Variants in SHANK2 observed in about 807,000 individuals in gnomAD.
SHANK2 encodes the protein SH3 and multiple ankyrin repeat domains 2, also known as SH3 and multiple ankyrin repeat domains protein 2.
Under a neutral mutation model 133.7 loss-of-function variants are expected in SHANK2, and 43 were observed. The observed-to-expected ratio is 0.32, with a 90% CI of 0.25 to 0.41. SHANK2 has a LOEUF of 0.41. SHANK2 is among the 10% of genes least tolerant of loss of function. The pLI is 1.00. For missense variants in SHANK2, 1,994 were observed against 2,235.8 expected, an observed-to-expected ratio of 0.89 and a Z score of 2.18; for synonymous variants, 1,017 against 952.8, an observed-to-expected ratio of 1.07 and a Z score of -1.24.
rs1439954049 is a variant in SHANK2 at position 70,487,927 on chromosome 11, G to T, written c.2573-207C>A. Among the ~76,000 whole-genome samples the T allele has an allele frequency of 6.6e-6, 1 of 152,236 alleles. No individual in the cohort carries two copies. Among genetic ancestry groups the T allele is most frequent in the South Asian group, 2.1e-4 (1 of 4,838 alleles). On this transcript the variant is annotated intron_variant, in intron 24 of 25. Coordinates refer to ENST00000601538, the MANE Select transcript of SHANK2 (RefSeq NM_012309.5). The surrounding 1 kb of genome is among the most constrained non-coding windows in gnomAD (Gnocchi z 5.8). ...GGACAAGAAAGGGAAGAACAGAAAG[G>T]CACTGGGGATGCTGTGAGTACGCTG... is the stretch of plus-strand genomic sequence containing the variant.
intron 15 of SHANK2, among the ~76,000 whole-genome samples, chr11:70,686,536 C>T (rs1397148488): frequency 5.9e-5 from 9 of 152,136 alleles, no homozygotes; most frequent in African/African-American, 2.2e-4. Context: ...CCTCTCTCTC[C>T]ACTCAACTCT....
chr11:70,672,227 C>T (rs540252871), intron 15 of SHANK2, among the ~76,000 whole-genome samples: 1 of 152,114 alleles, frequency 6.6e-6, no homozygotes, highest in South Asian at 2.1e-4. Flanking sequence ...CCATGCCTGG[C>T]TAATTTTTAT....
At chr11:70,627,092 G>A (rs1158197807) in intron 17 of SHANK2, among the ~76,000 whole-genome samples, 1 of 152,168 alleles carries the variant, frequency 6.6e-6, no homozygotes, top group Non-Finnish European at 1.5e-5. Context: ...TCCCTGAAGT[G>A]TCTCCTCTCA....
At chr11:70,835,457 T>G (rs781837020) in intron 11 of SHANK2, among the ~76,000 whole-genome samples, 1 of 152,012 alleles carries the variant, frequency 6.6e-6, no homozygotes, top group African/African-American at 2.4e-5. Context: ...TGTGCTGAGA[T>G]GTGCTCCACC....
chr11:71,105,590 T>TAAAAAAA (rs60654256), intron 6 of SHANK2, among the ~76,000 whole-genome samples: 7 of 77,942 alleles, frequency 9.0e-5, no homozygotes, highest in Admixed American at 1.7e-4. Flanking sequence ...AGACTCAGTC[T>TAAAAAAA]AAAAAAAAAA....
At chr11:70,888,835 AAGAG>A (rs1949790170) in intron 11 of SHANK2, among the ~76,000 whole-genome samples, 1 of 101,130 alleles carries the variant, frequency 9.9e-6, no homozygotes, top group Non-Finnish European at 1.8e-5. Flanking sequence ...AGAAAAAAAA[AAGAG>A]AGAAAGAGGA....
chr11:70,497,775 G>A (rs1332295009), intron 21 of SHANK2, among the ~76,000 whole-genome samples: 2 of 152,198 alleles, frequency 1.3e-5, no homozygotes, highest in African/African-American at 4.8e-5. Context: ...TCACCAAATC[G>A]AGGAGTGACA....
intron 17 of SHANK2, among the ~76,000 whole-genome samples, chr11:70,594,293 G>C (rs1300111844): frequency 6.6e-6 from 1 of 152,186 alleles, no homozygotes; most frequent in African/African-American, 2.4e-5. Flanking sequence ...CGCGTTACGT[G>C]AGTCCACACA....
intron 17 of SHANK2, among the ~76,000 whole-genome samples, chr11:70,514,354 C>T (rs11236490): frequency 0.2 from 30,508 of 152,156 alleles, 3,184 homozygotes; most frequent in South Asian, 0.31. Flanking sequence ...TTATTTGTTG[C>T]CAGAAAGCCT....
chr11:70,653,774 C>T (rs1000833535), intron 17 of SHANK2, among the ~76,000 whole-genome samples: 3 of 152,148 alleles, frequency 2.0e-5, no homozygotes, highest in African/African-American at 4.8e-5. Context: ...CTGGGATTAA[C>T]AGGCACATGC....
intron 14 of SHANK2, among the ~76,000 whole-genome samples, chr11:70,786,102 A>G (rs1947648138): frequency 6.6e-6 from 1 of 152,160 alleles, no homozygotes; most frequent in Non-Finnish European, 1.5e-5. Flanking sequence ...AAACACCAGG[A>G]GTAACTTTCA....
At chr11:70,907,445 G>A (rs1248779518) in intron 10 of SHANK2, among the ~76,000 whole-genome samples, 3 of 152,158 alleles carry the variant, frequency 2.0e-5, no homozygotes, top group Admixed American at 6.5e-5. Flanking sequence ...TTCTAGCACC[G>A]ATACCAAAGA....
intron 8 of SHANK2, among the ~76,000 whole-genome samples, chr11:71,081,095 A>C (rs1951294217): frequency 6.6e-6 from 1 of 152,168 alleles, no homozygotes; most frequent in African/African-American, 2.4e-5. Context: ...CCCTAATCCC[A>C]TCTGGCCTGG....
At chr11:70,747,999 C>T (rs782752982) in intron 14 of SHANK2, among the ~76,000 whole-genome samples, 8 of 152,184 alleles carry the variant, frequency 5.3e-5, no homozygotes, top group Non-Finnish European at 1.0e-4. Flanking sequence ...AGGCAGGAGA[C>T]TGCACTGCTA....
At chr11:70,876,243 G>GATAGACACAC (rs1555071278) in intron 11 of SHANK2, among the ~76,000 whole-genome samples, 28 of 134,830 alleles carry the variant, frequency 2.1e-4, no homozygotes, top group Non-Finnish European at 3.9e-4. Flanking sequence ...CACACATATA[G>GATAGACACAC]ACACACACAC....
At chr11:70,873,742 T>C (rs1949509627) in intron 11 of SHANK2, among the ~76,000 whole-genome samples, 1 of 115,006 alleles carries the variant, frequency 8.7e-6, no homozygotes, top group African/African-American at 4.1e-5. Flanking sequence ...CCATTTACCA[T>C]TTTTTTTTTT....
intron 6 of SHANK2, 47 bp downstream of exon 6, chr11:71,109,894 C>G: frequency 2.5e-6 from 3 of 1,220,350 alleles, no homozygotes; most frequent in South Asian, 2.6e-5. Context: ...CTGGCCTTCT[C>G]TACGCTTCCG....
chr11:71,157,363 A>G (rs1276522621), intron 2 of SHANK2, among the ~76,000 whole-genome samples: 1 of 152,244 alleles, frequency 6.6e-6, no homozygotes, highest in South Asian at 2.1e-4. Flanking sequence ...GGTGTGTTCT[A>G]TTAAGACATT....
chr11:70,713,873 T>C (rs1326138016), intron 14 of SHANK2, among the ~76,000 whole-genome samples: 1 of 152,260 alleles, frequency 6.6e-6, no homozygotes, highest in African/African-American at 2.4e-5. Context: ...GCCTCTGCTG[T>C]ACAGGTGAAG....
Sources: allele counts gnomAD v4.1 joint callset (sites outside exome capture counted in the v4.1 genomes callset), GRCh38; gene constraint gnomAD v4.1.1; non-coding constraint Gnocchi (gnomAD v3.1); transcripts MANE v1.5; gene names NCBI Gene and HGNC (gene_info 2026-07-23, HGNC 2026-07-21).